The following TANC2 variants were observed in gnomAD, a reference collection of about 807,000 sequenced individuals.
The protein encoded by TANC2 is tetratricopeptide repeat, ankyrin repeat and coiled-coil containing 2, also known as protein TANC2.
In TANC2, 26 loss-of-function variants were observed where a neutral mutation model predicts 210.5. The observed-to-expected ratio is 0.12, with a 90% CI of 0.09 to 0.17. The LOEUF is 0.17. TANC2 is among the 10% of genes least tolerant of loss of function. The probability of loss-of-function intolerance (pLI) is 1.00; values close to 1 mark genes in which losing one functional copy is unlikely to be tolerated. For synonymous variants in TANC2, 931 were observed against 967.1 expected (o/e 0.96, Z 0.69); for missense variants, 2,129 against 2,608.9 (o/e 0.82, Z 4.01).
intron 8 of TANC2, among the ~76,000 whole-genome samples, chr17:63,247,688 G>A (rs2042954863): frequency 6.6e-6 from 1 of 152,060 alleles, no homozygotes; most frequent in South Asian, 2.1e-4. Context: ...CTTAAAGGAA[G>A]GGTAAAAGGT....
At chr17:63,021,144 T>C (rs2034331441) in intron 2 of TANC2, among the ~76,000 whole-genome samples, 1 of 152,222 alleles carries the variant, frequency 6.6e-6, no homozygotes, top group African/African-American at 2.4e-5. Flanking sequence ...CCATTGCATA[T>C]TGAACTTAGT....
chr17:63,075,536 TA>T (rs570328493), intron 3 of TANC2, among the ~76,000 whole-genome samples: 4,477 of 149,852 alleles, frequency 0.03, 81 homozygotes, highest in South Asian at 0.038. Context: ...GAAATATATA[TA>T]TTTTTTTATA....
At chr17:63,025,683 C>T (rs1168806448) in intron 2 of TANC2, among the ~76,000 whole-genome samples, 1 of 151,850 alleles carries the variant, frequency 6.6e-6, no homozygotes, top group African/African-American at 2.4e-5. Context: ...GTAATCCCAG[C>T]TACTTGGGAG....
At chr17:63,062,927 A>G (rs1568355098) in intron 2 of TANC2, among the ~76,000 whole-genome samples, 1 of 152,162 alleles carries the variant, frequency 6.6e-6, no homozygotes, top group Admixed American at 6.6e-5. Flanking sequence ...GGCTACTTAG[A>G]GTTTAGAGTC....
chr17:63,228,367 G>A (rs1444530940), intron 7 of TANC2, among the ~76,000 whole-genome samples: 1 of 152,166 alleles, frequency 6.6e-6, no homozygotes, highest in Non-Finnish European at 1.5e-5. Context: ...GTAGCATGAT[G>A]CCTCCAGCTT....
chr17:63,132,072 A>G (rs1308388215), intron 4 of TANC2, among the ~76,000 whole-genome samples: 2 of 152,186 alleles, frequency 1.3e-5, no homozygotes, highest in Non-Finnish European at 2.9e-5. Flanking sequence ...TTGTTGTTCC[A>G]GGCTTTAGGT....
At chr17:63,382,292 C>A (rs1404254691) in intron 15 of TANC2, among the ~76,000 whole-genome samples, 6 of 152,148 alleles carry the variant, frequency 3.9e-5, no homozygotes, top group African/African-American at 1.4e-4. Flanking sequence ...TCCATTCTTA[C>A]TCAGCTCCTT....
intron 7 of TANC2, among the ~76,000 whole-genome samples, chr17:63,211,533 T>C (rs2041884530): frequency 6.6e-6 from 1 of 152,034 alleles, no homozygotes; most frequent in African/African-American, 2.4e-5. Context: ...AGCTGAGAAG[T>C]GTTCTGTCAC....
At chr17:63,245,739 G>T (rs1186509926) in intron 8 of TANC2, among the ~76,000 whole-genome samples, 1 of 152,014 alleles carries the variant, frequency 6.6e-6, no homozygotes, top group African/African-American at 2.4e-5. Flanking sequence ...CTACTCGGGA[G>T]GCTGAGGCAC....
At chr17:63,195,833 C>A (rs182927381) in intron 6 of TANC2, among the ~76,000 whole-genome samples, 1 of 152,236 alleles carries the variant, frequency 6.6e-6, no homozygotes, top group East Asian at 1.9e-4. Flanking sequence ...TTTACTGTGG[C>A]CCAGAAGGCT....
At chr17:63,054,670 C>T (rs186396069) in intron 2 of TANC2, among the ~76,000 whole-genome samples, 17 of 152,102 alleles carry the variant, frequency 1.1e-4, no homozygotes, top group South Asian at 4.2e-4. Flanking sequence ...CGTGAGCCAC[C>T]GTGCCCGGCC....
intron 7 of TANC2, among the ~76,000 whole-genome samples, chr17:63,235,459 C>T (rs1374854148): frequency 6.6e-6 from 1 of 151,980 alleles, no homozygotes; most frequent in African/African-American, 2.4e-5. Context: ...AGCCCAAAAG[C>T]ACATACCCTC....
intron 2 of TANC2, among the ~76,000 whole-genome samples, chr17:63,017,206 A>T (rs988568859): frequency 2.0e-5 from 3 of 152,174 alleles, no homozygotes; most frequent in African/African-American, 7.2e-5. Flanking sequence ...TACTGAATGG[A>T]CTTGACACCC....
At chr17:63,243,845 C>T (rs947355588) in intron 8 of TANC2, among the ~76,000 whole-genome samples, 1 of 152,122 alleles carries the variant, frequency 6.6e-6, no homozygotes, top group Admixed American at 6.5e-5. Context: ...GTTCAAGACA[C>T]CTTTGTAAGT....
chr17:63,396,494 T>C (rs931018393), intron 18 of TANC2: 1 of 155,490 alleles, frequency 6.4e-6, no homozygotes, highest in Non-Finnish European at 1.4e-5. Flanking sequence ...GTGGCAAATG[T>C]AGGGAATTGG....
chr17:63,229,770 ATT>A lies in TANC2; in HGVS notation c.770-8028_770-8027del, dbSNP rs200009079. 6.7e-3 allele frequency among the ~76,000 whole-genome samples: 878 copies of A among 130,560 alleles called. 10 individuals are homozygous for A. The highest frequency in any genetic ancestry group is 0.023 in the African/African-American group (831 of 35,470). 85.7% of individuals were successfully genotyped at this position (130,560 alleles called of 152,430 possible). ...ATAGTATTCTCTAATGATTGTTTGT[ATT>A]TTTTTTTTTTTTTTTGAGAAAGAAT... On this transcript the variant is annotated intron_variant, in intron 7 of 27. Transcript: ENST00000689528.
intron 6 of TANC2, among the ~76,000 whole-genome samples, chr17:63,194,844 T>C (rs2041291591): frequency 6.6e-6 from 1 of 152,104 alleles, no homozygotes; most frequent in Non-Finnish European, 1.5e-5. Context: ...AAATATTTTA[T>C]AGTTTTCTTT....
rs183969933 is a variant in TANC2, at chr17:63,059,964, T to A, written c.68-13979T>A. 5.9e-4 allele frequency among the ~76,000 whole-genome samples: 90 copies of A among 152,280 alleles called. 1 individual carries two copies. The highest frequency in any genetic ancestry group is 2.2e-3 in the African/African-American group (90 of 41,562). Reference sequence around the variant, plus strand: ...TACTGGATCAGTCTGTTTCTAGGCGTTTTCAGTGGATAGAGTTAGGATATA... The same window carrying A: ...TACTGGATCAGTCTGTTTCTAGGCGATTTCAGTGGATAGAGTTAGGATATA... On this transcript the variant is annotated intron_variant, in intron 2 of 27. Transcript: ENST00000689528.
At chr17:63,162,696 G>A (rs1598500762) in intron 5 of TANC2, among the ~76,000 whole-genome samples, 1 of 152,112 alleles carries the variant, frequency 6.6e-6, no homozygotes, top group African/African-American at 2.4e-5. Flanking sequence ...ATATGGTGAC[G>A]TGAGCTGGTA....
Sources: gnomAD v4.1 joint callset for allele counts (sites outside exome capture counted in the v4.1 genomes callset) on GRCh38, gnomAD v4.1.1 for gene constraint, MANE v1.5 for transcripts, NCBI Gene and HGNC (gene_info 2026-07-23, HGNC 2026-07-21) for gene names.